The following HMCN2 variants were observed in gnomAD, a reference collection of about 807,000 sequenced individuals.
The protein encoded by HMCN2 is hemicentin 2, also known as hemicentin-2.
A neutral mutation model predicts 377.5 loss-of-function variants in HMCN2; 325 were observed. That is an observed-to-expected ratio of 0.86 (90% CI 0.79 to 0.94). The LOEUF is 0.94. HMCN2 is among the 40% of genes least tolerant of loss of function. The probability of loss-of-function intolerance (pLI) is 0.00; values close to 1 mark genes in which losing one functional copy is unlikely to be tolerated. For synonymous variants in HMCN2, 2,007 were observed against 2,046.8 expected, an observed-to-expected ratio of 0.98 and a Z score of 0.53; for missense variants, 4,543 against 4,725.3, an observed-to-expected ratio of 0.96 and a Z score of 1.13.
intron 85 of HMCN2, among the ~76,000 whole-genome samples, chr9:130,417,643 C>G (rs1235047506): frequency 1.3e-4 from 20 of 152,078 alleles, no homozygotes; most frequent in Admixed American, 1.3e-3. Context: ...TTGTTGCAGC[C>G]TCAGGCTAAG....
Position 130,397,512 on chromosome 9 carries a change from C to A in HMCN2, c.11199-16C>A, listed in dbSNP as rs1842663652. On this transcript the variant is annotated splice_polypyrimidine_tract_variant and intron_variant, in intron 73 of 97. Coordinates refer to ENST00000683500, the MANE Select transcript of HMCN2 (RefSeq NM_001291815.2). ...ACTGGCTTGCTCATCTCCAGGGCAA[C>A]CCCCATCCATTCTAGGTTTGAAATT... The A allele has an allele frequency of 7.8e-7, 1 of 1,289,458 alleles. No homozygotes were observed. The highest frequency in any genetic ancestry group is 1.0e-6 in the Non-Finnish European group (1 of 988,728). 79.9% of individuals were successfully genotyped at this position (1,289,458 alleles called of 1,614,324 possible). A position where few individuals can be genotyped will look rare whatever the true frequency, so the allele number is the denominator to read the frequency against.
intron 13 of HMCN2, 69 bp downstream of exon 13, chr9:130,307,007 C>A: frequency 2.4e-6 from 1 of 418,372 alleles, no homozygotes; most frequent in South Asian, 1.8e-5. Flanking sequence ...TCCCTCCCAT[C>A]CATCAGTATT....
chr9:130,426,770 T>C (rs1046508850), intron 90 of HMCN2, among the ~76,000 whole-genome samples: 1 of 152,040 alleles, frequency 6.6e-6, no homozygotes, highest in African/African-American at 2.4e-5. Flanking sequence ...ATTTTTTTTT[T>C]TTTTTTAGCT....
chr9:130,293,847 T>C (rs1835950750), intron 4 of HMCN2, among the ~76,000 whole-genome samples: 1 of 152,022 alleles, frequency 6.6e-6, no homozygotes, highest in South Asian at 2.1e-4. Flanking sequence ...TGCTGCAAAA[T>C]AGTATGTATC....
In HMCN2 at chr9:130,425,909, A is replaced by T; in HGVS notation, c.13864A>T (p.Thr4622Ser). 1 of 1,548,550 alleles carries T rather than the reference A, an allele frequency of 6.5e-7. No individual in the cohort carries two copies. The highest frequency in any genetic ancestry group is 8.7e-7 in the Non-Finnish European group (1 of 1,146,692). The change falls in exon 90 of 98, where the codon ACA becomes TCA. Residue 4622 changes from threonine (T) to serine (S), a missense_variant. Around this residue, in one of 5 missense-constraint regions of HMCN2, gnomAD observed 1,155 missense variants for 1,157.7 expected, o/e 1.00. Coordinates refer to ENST00000683500, the MANE Select transcript of HMCN2 (RefSeq NM_001291815.2). Reference protein sequence around the residue: ...EAEALRFQLATALQAEENEVG... With the variant: ...EAEALRFQLASALQAEENEVG... ...CGAGGCCCTGCGCTTCCAGCTCGCT[A>T]CAGCCCTGCAGGCGGGTGAGGCCCC...
At chr9:130,269,206 G>T (rs1215461409) in intron 1 of HMCN2, among the ~76,000 whole-genome samples, 2 of 145,178 alleles carry the variant, frequency 1.4e-5, no homozygotes, top group Non-Finnish European at 3.1e-5. Flanking sequence ...ATTAAAAATT[G>T]TATGTTCCCA....
intron 83 of HMCN2, 95 bp downstream of exon 83, chr9:130,407,800 T>TG: frequency 1.0e-6 from 1 of 953,620 alleles, no homozygotes; most frequent in South Asian, 2.1e-5. Flanking sequence ...TCCTGTCCTC[T>TG]GAACTAGTGG....
At chr9:130,286,623 C>A (rs185491040) in intron 4 of HMCN2, among the ~76,000 whole-genome samples, 1 of 152,244 alleles carries the variant, frequency 6.6e-6, no homozygotes, top group Non-Finnish European at 1.5e-5. Flanking sequence ...GGCCTGGGTT[C>A]AGCAGTTGGT....
chr9:130,300,637 A>G (rs1836454553), intron 8 of HMCN2, among the ~76,000 whole-genome samples: 5 of 152,238 alleles, frequency 3.3e-5, no homozygotes, highest in Admixed American at 2.0e-4. Context: ...TGCACTCAGA[A>G]TGTATCCATT....
At chr9:130,284,753 A>T (rs1379303261) in intron 2 of HMCN2, 80 bp downstream of exon 2, 12 of 462,880 alleles carry the variant, frequency 2.6e-5, no homozygotes, top group African/African-American at 2.4e-4. Flanking sequence ...GCTTCGAGTG[A>T]TTCCCTCTTG....
intron 84 of HMCN2, among the ~76,000 whole-genome samples, chr9:130,409,991 A>G (rs990301808): frequency 6.6e-6 from 1 of 152,164 alleles, no homozygotes; most frequent in African/African-American, 2.4e-5. Context: ...TCACATATCC[A>G]TGGGTCACCT....
intron 1 of HMCN2, among the ~76,000 whole-genome samples, chr9:130,282,541 C>T (rs528606315): frequency 2.6e-5 from 4 of 152,212 alleles, no homozygotes; most frequent in African/African-American, 9.6e-5. Context: ...GTGGGGATGG[C>T]CAGGGCAGGC....
rs374789845 is a variant in HMCN2 at position 130,385,584 on chromosome 9, C to T, written c.9131C>T (p.Pro3044Leu). 3 of 1,304,190 alleles carry T rather than the reference C, an allele frequency of 2.3e-6. No homozygotes were observed. In the African/African-American group the frequency reaches 4.5e-5, roughly 20 times the overall value. 80.8% of individuals were successfully genotyped at this position (1,304,190 alleles called of 1,614,324 possible). A position where few individuals can be genotyped will look rare whatever the true frequency, so the allele number is the denominator to read the frequency against. ...VLVPPAFRQA[P>L]RGPQDAVLVR... ...GTTCCCCCGGCCTTCAGGCAGGCTC[C>T]CAGAGGTCCCCAGGATGCGGTCCTG... Residue 3044 changes from proline to leucine, a missense_variant, in exon 60 of 98, where the codon CCC becomes CTC. By Grantham distance (98) the Pro-to-Leu change is moderately conservative. Coordinates refer to ENST00000683500, the MANE Select transcript of HMCN2 (RefSeq NM_001291815.2).
At chr9:130,291,367 AC>A (rs1287140891) in intron 4 of HMCN2, among the ~76,000 whole-genome samples, 3 of 151,898 alleles carry the variant, frequency 2.0e-5, no homozygotes, top group Non-Finnish European at 4.4e-5. Context: ...CTGCCACCAC[AC>A]CCGGCTAATT....
chr9:130,366,353 C>T (rs905834542), intron 43 of HMCN2, among the ~76,000 whole-genome samples: 4 of 152,114 alleles, frequency 2.6e-5, no homozygotes, highest in African/African-American at 7.2e-5. Context: ...TCTGTGTGTG[C>T]TCCTCCATTA....
intron 25 of HMCN2, among the ~76,000 whole-genome samples, chr9:130,345,209 TGTGTGTG>T (rs1194648169): frequency 5.4e-5 from 8 of 147,610 alleles, no homozygotes; most frequent in Non-Finnish European, 7.5e-5. Context: ...TGGTATGTAT[TGTGTGTG>T]GTGTGTGGTG....
In HMCN2 at chr9:130,386,520, C is replaced by A; in HGVS notation, c.9387C>A (p.Val3129=). 7.7e-7 allele frequency: 1 copy of A among 1,302,622 alleles called. No homozygotes were observed. Among genetic ancestry groups the A allele is most frequent in the Non-Finnish European group, 1.0e-6 (1 of 988,592 alleles). The allele number at this position is 1,302,622 out of a possible 1,614,324, so 80.7% of individuals were successfully genotyped here. ...GEAVRTFTLT[V]QVPPTFENPK... ...CCGTGCGGACCTTCACCCTCACCGT[C>A]CAGGGTAAGCCAGGGACCAGCCTAG... Residue 3129 remains valine (V), a synonymous_variant, in exon 61 of 98, where the codon GTC becomes GTA. Transcript: ENST00000683500.
chr9:130,312,654 CT>C (rs1416594994), intron 15 of HMCN2, among the ~76,000 whole-genome samples: 1 of 143,172 alleles, frequency 7.0e-6, no homozygotes, highest in Non-Finnish European at 1.5e-5. Context: ...CCCTCCCTCC[CT>C]TCCTTTCTTT....
chr9:130,391,417 G>A (rs1032223501), intron 64 of HMCN2, 33 bp from the exon 65 acceptor site: 4 of 987,856 alleles, frequency 4.0e-6, no homozygotes, highest in Middle Eastern at 2.8e-4. Context: ...GTTCCCTTAC[G>A]CCTCTGCCCT....
Sources: gnomAD v4.1 joint callset for allele counts (sites outside exome capture counted in the v4.1 genomes callset) on GRCh38, gnomAD v4.1.1 for gene constraint, gnomAD v4.1.1 regional missense constraint, MANE v1.5 for transcripts, NCBI Gene and HGNC (gene_info 2026-07-23, HGNC 2026-07-21) for gene names.